The following CENPW variants were observed in gnomAD, a reference collection of about 807,000 sequenced individuals.
CENPW encodes the protein centromere protein W, also known as cancer-up-regulated gene 2 protein.
In CENPW, 3 loss-of-function variants were observed where a neutral mutation model predicts 11.1. The ratio of observed to expected loss-of-function variants is 0.27; its 90% CI spans 0.12 to 0.70. The LOEUF is 0.70. Among genes scored for constraint, CENPW ranks in the 30% least tolerant of loss-of-function variants. The pLI is 0.77. For synonymous variants in CENPW, 38 were observed against 42.0 expected (o/e 0.91, Z 0.37); for missense variants, 100 against 105.6 (o/e 0.95, Z 0.23).
the CENPW span, among the ~76,000 whole-genome samples, chr6:126,444,192 A>G: frequency 1.2e-3 from 176 of 149,554 alleles, no homozygotes; most frequent in African/African-American, 3.8e-3. Flanking sequence ...TTCTAGGTAT[A>G]TGGTTTGTTA....
chr6:126,346,211 C>G lies in CENPW; in HGVS notation c.133C>G (p.Leu45Val), dbSNP rs140051577. ...TGGATTTTCTGTTTTAAAGGTCCATCTGAACTGTTTACTGTTTGTTCATCG... is the reference window on the plus strand; with the variant it reads ...TGGATTTTCTGTTTTAAAGGTCCATGTGAACTGTTTACTGTTTGTTCATCG... ...LEKSGDLLVH[L>V]NCLLFVHRLA... The change falls in exon 2 of 3, where the codon CTG (leucine) becomes GTG (valine). Residue 45 changes from leucine (L) to valine (V), a missense_variant. By Grantham distance (32) the Leu-to-Val change is conservative. Transcript: ENST00000368328. 6.3e-7 allele frequency: 1 copy of G among 1,582,924 alleles called. No homozygotes were observed. Among genetic ancestry groups the G allele is most frequent in the African/African-American group, 1.3e-5 (1 of 74,602 alleles).
At chr6:126,378,722 A>G in the CENPW span, among the ~76,000 whole-genome samples, 36 of 152,292 alleles carry the variant, frequency 2.4e-4, no homozygotes, top group Admixed American at 9.2e-4. Context: ...GTGTGCATAC[A>G]ATGAGATTCA....
chr6:126,472,992 T>G, the CENPW span, among the ~76,000 whole-genome samples: 1 of 152,236 alleles, frequency 6.6e-6, no homozygotes, highest in Admixed American at 6.5e-5. Flanking sequence ...AGACATATAA[T>G]TAAAATACTG....
At chr6:126,351,107 T>TG (rs1278770676), downstream of CENPW, among the ~76,000 whole-genome samples, 1 of 151,436 alleles carries the variant, frequency 6.6e-6, no homozygotes, top group Admixed American at 6.6e-5. Context: ...CCCACTGCCT[T>TG]GTTCCTGAAA....
chr6:126,355,344 T>C, the CENPW span, among the ~76,000 whole-genome samples: 12 of 152,218 alleles, frequency 7.9e-5, no homozygotes, highest in African/African-American at 2.9e-4. Flanking sequence ...AAAGGTATTT[T>C]TGACTCTAAA....
the CENPW span, among the ~76,000 whole-genome samples, chr6:126,425,855 G>A: frequency 6.6e-6 from 1 of 150,808 alleles, no homozygotes; most frequent in East Asian, 1.9e-4. Flanking sequence ...CATCTCTAAG[G>A]TACAGCATGA....
the CENPW span, among the ~76,000 whole-genome samples, chr6:126,432,393 T>C: frequency 1.8e-4 from 28 of 152,206 alleles, no homozygotes; most frequent in Non-Finnish European, 3.4e-4. Context: ...TTAGCAAGTA[T>C]GTCTCTGTTG....
chr6:126,410,706 G>GTGAGTAA, the CENPW span, among the ~76,000 whole-genome samples: 1 of 151,266 alleles, frequency 6.6e-6, no homozygotes, highest in South Asian at 2.1e-4. Context: ...TTTTTTCCCT[G>GTGAGTAA]TGAGTAATTT....
chr6:126,473,846 T>TAGAATATATATGCACAGCATAGATATAC, the CENPW span, among the ~76,000 whole-genome samples: 1 of 148,790 alleles, frequency 6.7e-6, no homozygotes, highest in African/African-American at 2.5e-5. Flanking sequence ...CATAGATATA[T>TAGAATATATATGCACAGCATAGATATAC]AGAATATATA....
chr6:126,390,089 T>G, the CENPW span, among the ~76,000 whole-genome samples: 4 of 151,938 alleles, frequency 2.6e-5, no homozygotes, highest in Admixed American at 2.0e-4. Context: ...TGGGTTTCAA[T>G]CTTGATTCAT....
At chr6:126,364,781 T>C in the CENPW span, among the ~76,000 whole-genome samples, 2 of 152,160 alleles carry the variant, frequency 1.3e-5, no homozygotes, top group Admixed American at 6.5e-5. Context: ...CCCTCCTATA[T>C]GAAGAAAGAG....
At chr6:126,474,352 T>C in the CENPW span, among the ~76,000 whole-genome samples, 1 of 152,106 alleles carries the variant, frequency 6.6e-6, no homozygotes, top group East Asian at 1.9e-4. Context: ...AATATAATTT[T>C]CCCCATGTAA....
chr6:126,351,354 A>G (rs572498984), downstream of CENPW, among the ~76,000 whole-genome samples: 5 of 152,204 alleles, frequency 3.3e-5, no homozygotes, highest in East Asian at 9.7e-4. Flanking sequence ...GTAAAAAATT[A>G]TAACTCCAGC....
chr6:126,374,795 T>C, the CENPW span, among the ~76,000 whole-genome samples: 1 of 152,222 alleles, frequency 6.6e-6, no homozygotes, highest in Non-Finnish European at 1.5e-5. Context: ...TTAACACCTT[T>C]GTTGATTACT....
At chr6:126,379,061 T>C in the CENPW span, among the ~76,000 whole-genome samples, 38 of 152,314 alleles carry the variant, frequency 2.5e-4, no homozygotes, top group African/African-American at 8.9e-4. Flanking sequence ...AGTTACAAAA[T>C]GTGTGAACTC....
the CENPW span, among the ~76,000 whole-genome samples, chr6:126,462,218 T>G: frequency 3.3e-5 from 5 of 151,950 alleles, no homozygotes; most frequent in African/African-American, 9.7e-5. Flanking sequence ...TTGTACACAG[T>G]AAAATAGTTA....
At chr6:126,398,711 A>C in the CENPW span, among the ~76,000 whole-genome samples, 3 of 151,964 alleles carry the variant, frequency 2.0e-5, no homozygotes, top group East Asian at 5.8e-4. Flanking sequence ...GATTTGTTAC[A>C]TGGGTATATT....
chr6:126,367,703 A>G, the CENPW span, among the ~76,000 whole-genome samples: 2 of 152,170 alleles, frequency 1.3e-5, no homozygotes, highest in African/African-American at 2.4e-5. Flanking sequence ...AGATTATTCT[A>G]GTAACTGAGT....
At position 126,340,193 on chromosome 6, in the gene CENPW, C is replaced by G; in HGVS notation, c.-81C>G. On this transcript the variant is annotated 5_prime_UTR_variant, in exon 1 of 3. Transcript: ENST00000368328. ...AGCGTCATACGGACCGGATTGTTTT[C>G]GCTGGCCCAGTGTCCCCGGAGCTTG... The G allele has an allele frequency of 7.4e-7, 1 of 1,342,796 alleles. No individual in the cohort carries two copies. The highest frequency in any genetic ancestry group is 1.1e-6 in the Non-Finnish European group (1 of 950,580). 83.2% of individuals were successfully genotyped at this position (1,342,796 alleles called of 1,614,324 possible). A position where few individuals can be genotyped will look rare whatever the true frequency, so the allele number is the denominator to read the frequency against.
Sources: allele counts gnomAD v4.1 joint callset (sites outside exome capture counted in the v4.1 genomes callset), GRCh38; gene constraint gnomAD v4.1.1; transcripts MANE v1.5; gene names NCBI Gene and HGNC (gene_info 2026-07-23, HGNC 2026-07-21).